HNF4A: variants seen among roughly 807,000 people sequenced by gnomAD.
HNF4A encodes hepatocyte nuclear factor 4-alpha.
In HNF4A, 15 loss-of-function variants were observed where a neutral mutation model predicts 52.4. The observed-to-expected ratio is 0.29, with a 90% CI of 0.19 to 0.44. The LOEUF (loss-of-function observed/expected upper bound fraction) is 0.44, where lower values mean the gene tolerates loss of function less well. Ranked by LOEUF, HNF4A falls within the 20% of genes least tolerant of loss-of-function variation. The pLI is 1.00. For synonymous variants in HNF4A, 280 were observed against 264.4 expected (o/e 1.06, Z -0.57); for missense variants, 479 against 647.2 (o/e 0.74, Z 2.82).
intron 3 of HNF4A, among the ~76,000 whole-genome samples, chr20:44,410,086 G>A (rs1253294086): frequency 6.6e-6 from 1 of 152,206 alleles, no homozygotes; most frequent in Non-Finnish European, 1.5e-5. Context: ...ATCCGCCTCG[G>A]CCTCCCAAAG....
intron 1 of HNF4A, among the ~76,000 whole-genome samples, chr20:44,385,448 G>A (rs908749132): frequency 1.5e-4 from 23 of 152,058 alleles, no homozygotes; most frequent in Middle Eastern, 3.4e-3. Flanking sequence ...ACCTCCCCCC[G>A]TCTCTATTTT....
intron 3 of HNF4A, among the ~76,000 whole-genome samples, chr20:44,413,195 A>G (rs952113502): frequency 6.6e-6 from 1 of 152,200 alleles, no homozygotes; most frequent in African/African-American, 2.4e-5. Flanking sequence ...TGCTGAGGTT[A>G]GTCTGGAGTA....
rs954911835 is a variant in HNF4A, at chr20:44,376,185, A to C, written c.49+20332A>C. Among the ~76,000 whole-genome samples the C allele has an allele frequency of 4.6e-5, 7 of 152,290 alleles. 1 individual carries two copies. ...GAGGCTGAGGCAGGAGAATTGCTTC[A>C]ACCCGGGAGGCAGAGGTTGCAGTGA... On this transcript the variant is annotated intron_variant, in intron 1 of 9. Coordinates refer to the HNF4A transcript ENST00000316673.
chr20:44,406,753 T>G (rs1398370982), intron 2 of HNF4A, among the ~76,000 whole-genome samples: 1 of 152,226 alleles, frequency 6.6e-6, no homozygotes, highest in Non-Finnish European at 1.5e-5. Flanking sequence ...TGCGAGCACT[T>G]GTCATGTACA....
At chr20:44,389,031 C>T (rs959508740) in intron 1 of HNF4A, among the ~76,000 whole-genome samples, 3 of 152,236 alleles carry the variant, frequency 2.0e-5, no homozygotes, top group Non-Finnish European at 4.4e-5. Flanking sequence ...AGCAGCCCCA[C>T]TCCCTCAGGT....
upstream of HNF4A, among the ~76,000 whole-genome samples, chr20:44,397,035 C>T (rs763281933): frequency 5.9e-5 from 9 of 152,322 alleles, no homozygotes; most frequent in South Asian, 2.1e-4. Context: ...TAAAAACTTG[C>T]CTTGTGCAGA....
chr20:44,367,419 A>G (rs6031553), intron 1 of HNF4A, among the ~76,000 whole-genome samples: 66,129 of 151,324 alleles, frequency 0.44, 14,828 homozygotes, highest in African/African-American at 0.51. Flanking sequence ...GCCGAGGCAG[A>G]CAGATCATGA....
At chr20:44,395,892 T>C (rs1209950134) in intron 1 of HNF4A, among the ~76,000 whole-genome samples, 1 of 152,024 alleles carries the variant, frequency 6.6e-6, no homozygotes, top group Non-Finnish European at 1.5e-5. Flanking sequence ...GATAATGGTG[T>C]GGTGAGCGCC....
Position 44,419,890 on chromosome 20 carries a change from C to T in HNF4A, c.892+14C>T. 1 of 1,613,422 alleles carries T rather than the reference C, an allele frequency of 6.2e-7. No homozygotes were observed. ...TCTTTGACCCAGGTACAGTGCACACCTCCTAAGCCATCCCTGACTCTCTCT... is the reference window on the plus strand; with the variant it reads ...TCTTTGACCCAGGTACAGTGCACACTTCCTAAGCCATCCCTGACTCTCTCT... On this transcript the variant is annotated intron_variant, in intron 7 of 9. Coordinates refer to ENST00000316099, the MANE Select transcript of HNF4A (RefSeq NM_000457.6).
chr20:44,400,906 G>A (rs2063398575), upstream of HNF4A, among the ~76,000 whole-genome samples: 1 of 152,132 alleles, frequency 6.6e-6, no homozygotes, highest in African/African-American at 2.4e-5. Flanking sequence ...TTGAATTAGG[G>A]GATCTCGGAG....
At chr20:44,376,435 T>C (rs570929095) in intron 1 of HNF4A, among the ~76,000 whole-genome samples, 1 of 152,270 alleles carries the variant, frequency 6.6e-6, no homozygotes, top group South Asian at 2.1e-4. Context: ...CATTTCTCCT[T>C]TTTTTAAAGT....
At chr20:44,366,925 T>A (rs1300440041) in intron 1 of HNF4A, among the ~76,000 whole-genome samples, 1 of 152,286 alleles carries the variant, frequency 6.6e-6, no homozygotes, top group Admixed American at 6.5e-5. Flanking sequence ...GGCCACACAC[T>A]AAACCTGGCA....
rs934321515 is a variant in HNF4A, at chr20:44,429,801, C to T, written c.*136C>T. ...AGCAGGAATGGGAAGGATGAAGGGC[C>T]CGAGAACATGGCCTAAGGGCCACAT... On this transcript the variant is annotated 3_prime_UTR_variant, in exon 10 of 10. Coordinates refer to ENST00000316099, the MANE Select transcript of HNF4A (RefSeq NM_000457.6). The T allele has an allele frequency of 2.2e-6, 2 of 910,818 alleles. No homozygotes were observed. Among genetic ancestry groups the T allele is most frequent in the South Asian group, 3.1e-5 (2 of 64,608 alleles). The allele number at this position is 910,818 out of a possible 1,614,324, so 56.4% of individuals were successfully genotyped here.
At chr20:44,387,280 C>T (rs1213435887) in intron 1 of HNF4A, among the ~76,000 whole-genome samples, 1 of 106,494 alleles carries the variant, frequency 9.4e-6, no homozygotes, top group Non-Finnish European at 1.8e-5. Context: ...AAGAGCGAAA[C>T]TTCATCTTAA....
intron 1 of HNF4A, among the ~76,000 whole-genome samples, chr20:44,405,571 T>C (rs1197724927): frequency 6.6e-6 from 1 of 151,910 alleles, no homozygotes; most frequent in Non-Finnish European, 1.5e-5. Context: ...GCCACATGAG[T>C]GTGACTGTTC....
intron 1 of HNF4A, among the ~76,000 whole-genome samples, chr20:44,370,215 G>T (rs897052854): frequency 6.6e-6 from 1 of 152,106 alleles, no homozygotes; most frequent in Non-Finnish European, 1.5e-5. Context: ...TTTTAGTAGA[G>T]ACGGGGTTTC....
At chr20:44,387,069 G>A (rs933134167) in intron 1 of HNF4A, among the ~76,000 whole-genome samples, 9 of 151,918 alleles carry the variant, frequency 5.9e-5, no homozygotes, top group Admixed American at 5.2e-4. Context: ...CTGGGAGGCC[G>A]AGGTGGGTGG....
chr20:44,419,837 G>T lies in HNF4A; in HGVS notation c.853G>T (p.Glu285Ter), dbSNP rs1385142974. ...CCAGGAGCTGCAGATCGATGACAAT[G>T]AGTATGCCTACCTCAAAGCCATCAT... The change falls in exon 7 of 10, where the codon GAG becomes TAG. Residue 285 changes from glutamate to a stop codon, truncating the protein, a stop_gained. Transcript: ENST00000316099. LOFTEE classifies it high-confidence loss of function. 1 of 1,614,110 alleles carries T rather than the reference G, an allele frequency of 6.2e-7. No individual in the cohort carries two copies.
In HNF4A at chr20:44,431,917, C is replaced by A. The variant is rs545314214; in HGVS notation, c.*2252C>A. On this transcript the variant is annotated 3_prime_UTR_variant, in exon 10 of 10. Transcript: ENST00000316099. ...CCTACGGCAGTCCCAGCCAAGCCCC[C>A]AATCCCAGCGGAGACTGTGCCCTGC... is the stretch of plus-strand genomic sequence containing the variant. 6.6e-6 allele frequency: 1 copy of A among 152,312 alleles called. No individual in the cohort carries two copies. Among genetic ancestry groups the A allele is most frequent in the Non-Finnish European group, 1.5e-5 (1 of 68,132 alleles). 9.4% of individuals were successfully genotyped at this position (152,312 alleles called of 1,614,324 possible).
Sources: allele counts gnomAD v4.1 joint callset (sites outside exome capture counted in the v4.1 genomes callset), GRCh38; gene constraint gnomAD v4.1.1; transcripts MANE v1.5; gene names NCBI Gene and HGNC (gene_info 2026-07-23, HGNC 2026-07-21).